ASIC2: variants seen among roughly 807,000 people sequenced by gnomAD.
ASIC2 encodes acid-sensing ion channel 2.
Under a neutral mutation model 57.3 loss-of-function variants are expected in ASIC2, and 25 were observed. That is an observed-to-expected ratio of 0.44 (90% CI 0.32 to 0.61). ASIC2 has a LOEUF of 0.61. ASIC2 is among the 20% of genes least tolerant of loss of function. The probability of loss-of-function intolerance (pLI) is 0.06; values close to 1 mark genes in which losing one functional copy is unlikely to be tolerated. For synonymous variants in ASIC2, 319 were observed against 307.5 expected (o/e 1.04, Z -0.39); for missense variants, 641 against 738.1 (o/e 0.87, Z 1.52).
chr17:33,896,450 G>A (rs771250652), intron 1 of ASIC2, among the ~76,000 whole-genome samples: 4 of 152,206 alleles, frequency 2.6e-5, no homozygotes, highest in South Asian at 2.1e-4. Context: ...AGAGTCTAGC[G>A]ACTCCGCAAC....
rs149985202 is a variant in ASIC2, at chr17:33,553,484, T to C, written c.556-441417A>G. Among the ~76,000 whole-genome samples the C allele has an allele frequency of 9.5e-4, 136 of 143,826 alleles. 1 individual carries two copies. The highest frequency in any genetic ancestry group is 3.5e-3 in the African/African-American group (123 of 34,714). 94.4% of individuals were successfully genotyped at this position (143,826 alleles called of 152,430 possible). Reference sequence around the variant, plus strand: ...AGGAGATTGTTTGGGAGGCAGATCCTTTATTATTACTATTATTATTATTAT... The same window carrying C: ...AGGAGATTGTTTGGGAGGCAGATCCCTTATTATTACTATTATTATTATTAT... On this transcript the variant is annotated intron_variant, in intron 1 of 9. Coordinates refer to the ASIC2 transcript ENST00000359872.
intron 1 of ASIC2, chr17:33,581,331 A>G (rs1904433354): frequency 6.6e-6 from 1 of 152,226 alleles, no homozygotes; most frequent in Admixed American, 6.5e-5. Flanking sequence ...AAATCTGCCA[A>G]CACCCTGAGT....
At chr17:33,364,408 T>C (rs1396071215) in intron 1 of ASIC2, among the ~76,000 whole-genome samples, 1 of 152,186 alleles carries the variant, frequency 6.6e-6, no homozygotes, top group East Asian at 1.9e-4. Context: ...TTTCTTGGTG[T>C]CTGACATGGT....
chr17:33,638,915 A>G (rs991131067), intron 1 of ASIC2, among the ~76,000 whole-genome samples: 1 of 151,738 alleles, frequency 6.6e-6, no homozygotes, highest in Non-Finnish European at 1.5e-5. Flanking sequence ...TTCAAGGCCT[A>G]TTTCCTGGAG....
intron 1 of ASIC2, among the ~76,000 whole-genome samples, chr17:33,486,429 GT>G: frequency 1.3e-5 from 2 of 152,290 alleles, no homozygotes; most frequent in East Asian, 3.9e-4. Context: ...CTCTACTCAC[GT>G]TTTTTCCTGG....
intron 1 of ASIC2, among the ~76,000 whole-genome samples, chr17:33,344,726 T>G (rs1039537846): frequency 1.3e-5 from 2 of 152,150 alleles, no homozygotes; most frequent in African/African-American, 2.4e-5. Context: ...TGCTCACACA[T>G]TTTTTCAGGT....
intron 1 of ASIC2, among the ~76,000 whole-genome samples, chr17:33,419,081 C>G (rs1193062757): frequency 1.3e-5 from 2 of 152,172 alleles, no homozygotes; most frequent in Non-Finnish European, 2.9e-5. Context: ...TACACATGTA[C>G]CCCATAACTT....
At chr17:33,145,180 C>T (rs926533970) in intron 1 of ASIC2, among the ~76,000 whole-genome samples, 2 of 152,210 alleles carry the variant, frequency 1.3e-5, no homozygotes, top group Non-Finnish European at 2.9e-5. Flanking sequence ...TTCCCTCTTC[C>T]CAGGAGACTG....
intron 3 of ASIC2, among the ~76,000 whole-genome samples, chr17:33,048,081 A>C (rs1003334775): frequency 6.6e-6 from 1 of 152,172 alleles, no homozygotes; most frequent in Non-Finnish European, 1.5e-5. Context: ...GAAGAGGAAG[A>C]CATAGCAGAG....
chr17:33,451,493 G>A (rs943549239), intron 1 of ASIC2, among the ~76,000 whole-genome samples: 1 of 152,028 alleles, frequency 6.6e-6, no homozygotes, highest in Non-Finnish European at 1.5e-5. Context: ...AGTAGTCAGC[G>A]CTGTTACAAA....
intron 1 of ASIC2, among the ~76,000 whole-genome samples, chr17:33,687,436 T>C (rs747733804): frequency 1.3e-5 from 2 of 152,174 alleles, no homozygotes; most frequent in East Asian, 3.8e-4. Flanking sequence ...TGCGTCAGGA[T>C]AGATTCTTCC....
intron 1 of ASIC2, among the ~76,000 whole-genome samples, chr17:33,702,077 C>G (rs1203502046): frequency 6.6e-6 from 1 of 152,180 alleles, no homozygotes; most frequent in Non-Finnish European, 1.5e-5. Context: ...TTCTTCCTTT[C>G]ATTCCTCTTC....
At chr17:34,109,936 G>A (rs1408267597) in intron 1 of ASIC2, among the ~76,000 whole-genome samples, 1 of 152,004 alleles carries the variant, frequency 6.6e-6, no homozygotes, top group East Asian at 1.9e-4. Flanking sequence ...ATGCGTGTGT[G>A]TGTGTGTTTG....
intron 1 of ASIC2, among the ~76,000 whole-genome samples, chr17:33,725,302 C>G (rs985155912): frequency 2.0e-5 from 3 of 152,158 alleles, no homozygotes; most frequent in Non-Finnish European, 4.4e-5. Context: ...GTAAAGGGCT[C>G]AGCTTAAAGG....
chr17:33,541,055 A>G (rs1915393124), intron 1 of ASIC2, among the ~76,000 whole-genome samples: 1 of 150,378 alleles, frequency 6.6e-6, no homozygotes, highest in Non-Finnish European at 1.5e-5. Context: ...CTGACTGGGC[A>G]TGTTGTTTTT....
At chr17:33,293,395 T>A (rs903953900), upstream of ASIC2, among the ~76,000 whole-genome samples, 2 of 145,594 alleles carry the variant, frequency 1.4e-5, no homozygotes, top group African/African-American at 5.0e-5. Context: ...TCCTGGCCAC[T>A]GTGGCCGCTG....
intron 1 of ASIC2, among the ~76,000 whole-genome samples, chr17:33,276,654 C>A (rs962522545): frequency 5.3e-5 from 8 of 152,196 alleles, no homozygotes; most frequent in African/African-American, 1.9e-4. Context: ...TGCCATTTCT[C>A]CGTTCACATG....
chr17:33,566,085 C>G (rs1567652516), intron 1 of ASIC2, among the ~76,000 whole-genome samples: 1 of 152,252 alleles, frequency 6.6e-6, no homozygotes, highest in African/African-American at 2.4e-5. Context: ...GCCCTCCTCA[C>G]TCAGCTCTCC....
chr17:33,966,597 C>A (rs1211415916), intron 1 of ASIC2, among the ~76,000 whole-genome samples: 1 of 152,204 alleles, frequency 6.6e-6, no homozygotes, highest in Non-Finnish European at 1.5e-5. Context: ...TAACCACACA[C>A]CTGATAGTAT....
Sources: gnomAD v4.1 joint callset for allele counts (sites outside exome capture counted in the v4.1 genomes callset) on GRCh38, gnomAD v4.1.1 for gene constraint, MANE v1.5 for transcripts, NCBI Gene and HGNC (gene_info 2026-07-23, HGNC 2026-07-21) for gene names.